TRAF2: variants seen among roughly 807,000 people sequenced by gnomAD.
TRAF2 encodes TNF receptor associated factor 2.
In TRAF2, 6 loss-of-function variants were observed where a neutral mutation model predicts 55.6. The observed-to-expected ratio is 0.11, with a 90% confidence interval of 0.06 to 0.21. The LOEUF (loss-of-function observed/expected upper bound fraction) is 0.21. TRAF2 is among the 10% of genes least tolerant of loss of function. TRAF2 has a pLI of 1.00. For missense variants in TRAF2, 561 were observed against 684.5 expected (o/e 0.82, Z 2.01); for synonymous variants, 329 against 276.3 (o/e 1.19, Z -1.89).
chr9:136,904,741 T>G (rs1378795785), intron 4 of TRAF2, among the ~76,000 whole-genome samples: 1 of 152,250 alleles, frequency 6.6e-6, no homozygotes, highest in African/African-American at 2.4e-5. Context: ...TCTAAGAACA[T>G]TGACTATTTG....
At chr9:136,920,701 C>G (rs1460130129) in intron 8 of TRAF2, among the ~76,000 whole-genome samples, 186 bp downstream of exon 8, 2 of 152,216 alleles carry the variant, frequency 1.3e-5, no homozygotes, top group African/African-American at 4.8e-5. Context: ...GTCCTGTCAT[C>G]TAAGGGGCCC....
chr9:136,907,498 C>T (rs1372569404), intron 4 of TRAF2, among the ~76,000 whole-genome samples: 2 of 152,262 alleles, frequency 1.3e-5, no homozygotes, highest in Non-Finnish European at 2.9e-5. Flanking sequence ...GACCCAGCTC[C>T]TGGCACCTTG....
upstream of TRAF2, among the ~76,000 whole-genome samples, chr9:136,884,416 C>T (rs1046152537): frequency 5.3e-5 from 8 of 151,930 alleles, no homozygotes; most frequent in South Asian, 2.1e-4. Flanking sequence ...AAAAATTAGC[C>T]GGGCGTAGCG....
chr9:136,906,895 T>G lies in TRAF2; in HGVS notation c.367-1175T>G, dbSNP rs17250358. ...GTGCCTGCCACCCCGTTCTTCCTCC[T>G]GTGACTGCTGCGGCTTCCCAACCTT... On this transcript the variant is annotated intron_variant, in intron 4 of 10. Transcript: ENST00000247668. Among the ~76,000 whole-genome samples the G allele has an allele frequency of 4.2e-4, 64 of 152,314 alleles. 1 individual carries two copies. The highest frequency in any genetic ancestry group is 1.5e-3 in the African/African-American group (63 of 41,580).
At chr9:136,886,313 G>T (rs1849445552), upstream of TRAF2, 2 of 842,054 alleles carry the variant, frequency 2.4e-6, no homozygotes, top group Admixed American at 6.2e-5. Flanking sequence ...ACCAATCGGC[G>T]CACGCTGCGG....
At chr9:136,915,933 A>G (rs1424803369) in intron 6 of TRAF2, among the ~76,000 whole-genome samples, 3 of 151,972 alleles carry the variant, frequency 2.0e-5, no homozygotes, top group African/African-American at 7.3e-5. Flanking sequence ...GTTTTCTCAC[A>G]CTCAGAGCCG....
chr9:136,910,293 G>A (rs1250756596), intron 6 of TRAF2, among the ~76,000 whole-genome samples: 16 of 152,140 alleles, frequency 1.1e-4, no homozygotes, highest in Non-Finnish European at 1.9e-4. Flanking sequence ...AGTTCTCATC[G>A]CCCTCCATGT....
rs550347756 is a variant in TRAF2, at chr9:136,899,727, T to G, written c.267+55T>G. 5.8e-6 allele frequency: 9 copies of G among 1,547,638 alleles called. No homozygotes were observed. The African/African-American group carries it at 1.2e-4, about 21-fold the overall frequency. On this transcript the variant is annotated intron_variant, in intron 3 of 10. Coordinates refer to ENST00000247668, the MANE Select transcript of TRAF2 (RefSeq NM_021138.4). ...TTGAACAGAAAATGTCTTAATTTCCTTTACAACATGGGTGGGGCTGGGCAC... is the reference window on the plus strand; with the variant it reads ...TTGAACAGAAAATGTCTTAATTTCCGTTACAACATGGGTGGGGCTGGGCAC...
chr9:136,921,461 C>G lies in TRAF2; in HGVS notation c.1138+246C>G, dbSNP rs922146055. Among the ~76,000 whole-genome samples, 83 of 152,220 alleles carry G rather than the reference C, an allele frequency of 5.5e-4. 1 individual carries two copies. Among genetic ancestry groups the G allele is most frequent in the Admixed American group, 2.9e-3 (44 of 15,294 alleles). On this transcript the variant is annotated intron_variant, in intron 9 of 10. Transcript: ENST00000247668. ...CCGGCTGCCCTCCTGCCGTGCCAGC[C>G]CTCGAGGTGTGCCCCTCGTCACCCA... is the stretch of plus-strand genomic sequence containing the variant.
At chr9:136,909,294 T>C (rs1211323232) in intron 5 of TRAF2, among the ~76,000 whole-genome samples, 1 of 152,224 alleles carries the variant, frequency 6.6e-6, no homozygotes, top group African/African-American at 2.4e-5. Context: ...TGTGTCTGCG[T>C]CCCTGTTGTC....
Position 136,923,905 on chromosome 9 carries a change from G to T in TRAF2, c.1192G>T (p.Gly398Cys). The T allele has an allele frequency of 6.2e-7, 1 of 1,613,880 alleles. No individual in the cohort carries two copies. Among genetic ancestry groups the T allele is most frequent in the Non-Finnish European group, 8.5e-7 (1 of 1,180,012 alleles). ...GATGTGTCTGCGTATCTACCTGAAC[G>T]GCGACGGCACCGGGCGAGGAACACA... ...YKMCLRIYLNGDGTGRGTHLS... is the reference protein window; with the variant it reads ...YKMCLRIYLNCDGTGRGTHLS... The change falls in exon 10 of 11, where the codon GGC becomes TGC. Residue 398 changes from glycine (G) to cysteine (C), a missense_variant. By Grantham distance (159) the Gly-to-Cys change is radical. This residue lies in a region of TRAF2 where 135 missense variants were observed against 207.7 expected (regional missense o/e 0.65). Transcript: ENST00000247668.
Position 136,925,830 on chromosome 9 carries a change from G to A in TRAF2, c.1435G>A (p.Glu479Lys). ...CPLFCPVSKM[E>K]AKNSYVRDDA... ...CCTCTTCTGCCCCGTCTCCAAGATG[G>A]AGGCAAAGAATTCCTACGTGCGGGA... The change falls in exon 11 of 11, where the codon GAG (glutamate) becomes AAG (lysine). Residue 479 changes from glutamate to lysine, a missense_variant. Physicochemically the swap from Glu to Lys is moderately conservative, Grantham distance 56 (BLOSUM62 1). Around this residue, in one of 2 missense-constraint regions of TRAF2, gnomAD observed 135 missense variants for 207.7 expected, o/e 0.65. Transcript: ENST00000247668. 1 of 1,614,254 alleles carries A rather than the reference G, an allele frequency of 6.2e-7. No homozygotes were observed. The highest frequency in any genetic ancestry group is 8.5e-7 in the Non-Finnish European group (1 of 1,180,048).
In TRAF2 at chr9:136,921,111, T is replaced by C; in HGVS notation, c.1034T>C (p.Met345Thr). 2 of 1,614,022 alleles carry C rather than the reference T, an allele frequency of 1.2e-6. No homozygotes were observed. The highest frequency in any genetic ancestry group is 1.7e-6 in the Non-Finnish European group (2 of 1,179,996). The change falls in exon 9 of 11, where the codon ATG (methionine) becomes ACG (threonine). Residue 345 changes from methionine to threonine, a missense_variant. Physicochemically the swap from Met to Thr is moderately conservative, Grantham distance 81 (BLOSUM62 -1). Around this residue, in one of 2 missense-constraint regions of TRAF2, gnomAD observed 426 missense variants for 476.8 expected, o/e 0.89. Coordinates refer to ENST00000247668, the MANE Select transcript of TRAF2 (RefSeq NM_021138.4). ...MADLEQKVLE[M>T]EASTYDGVFI... The stretch of plus-strand genomic sequence containing the variant: ...GACTTGGAGCAGAAGGTCTTGGAGA[T>C]GGAGGCATCCACCTACGATGGGGTC...
chr9:136,921,696 CTT>C (rs11404322), intron 9 of TRAF2, among the ~76,000 whole-genome samples: 1 of 146,780 alleles, frequency 6.8e-6, no homozygotes. Context: ...ACTCCCCCAC[CTT>C]TTTTTTTTTT....
chr9:136,884,822 A>G (rs1849416020), upstream of TRAF2, among the ~76,000 whole-genome samples: 1 of 152,178 alleles, frequency 6.6e-6, no homozygotes, highest in Non-Finnish European at 1.5e-5. Flanking sequence ...TCAGCCTCCC[A>G]AAGTGCTGGG....
chr9:136,898,491 C>T (rs981482313), intron 1 of TRAF2: 16 of 781,158 alleles, frequency 2.0e-5, no homozygotes, highest in Admixed American at 1.9e-4. Context: ...TGTGTGGTCC[C>T]CAGCCTCACT....
At chr9:136,886,256 A>C (rs1849443686), upstream of TRAF2, 1 of 324,292 alleles carries the variant, frequency 3.1e-6, no homozygotes, top group Non-Finnish European at 4.4e-6. Context: ...GCGCTCTTTG[A>C]GGAAAAAGCA....
Position 136,901,595 on chromosome 9 carries a change from CAG to C in TRAF2, c.366+1076_366+1077del, listed in dbSNP as rs376348820. 4.5e-4 allele frequency among the ~76,000 whole-genome samples: 69 copies of C among 152,260 alleles called. 1 individual carries two copies. Among genetic ancestry groups the C allele is most frequent in the East Asian group, 3.9e-3 (20 of 5,184 alleles). Reference sequence around the variant, plus strand: ...GGTACAGGAAGTAGAATGGAGGAGACAGGGGTCATTGTTCAGTGAGTACCGAG... The same window carrying C: ...GGTACAGGAAGTAGAATGGAGGAGACGGGTCATTGTTCAGTGAGTACCGAG... On this transcript the variant is annotated intron_variant, in intron 4 of 10. Coordinates refer to ENST00000247668, the MANE Select transcript of TRAF2 (RefSeq NM_021138.4).
chr9:136,882,599 C>T (rs570476204), upstream of TRAF2: 505 of 928,438 alleles, frequency 5.4e-4, no homozygotes, highest in Non-Finnish European at 6.2e-4. Context: ...TGAGACTGCC[C>T]GGGGACATAC....
Sources: allele counts gnomAD v4.1 joint callset (sites outside exome capture counted in the v4.1 genomes callset), GRCh38; gene constraint gnomAD v4.1.1; regional missense constraint gnomAD v4.1.1; transcripts MANE v1.5; gene names NCBI Gene and HGNC (gene_info 2026-07-23, HGNC 2026-07-21).